Variants in HMGXB3 observed in about 807,000 individuals in gnomAD.
The protein encoded by HMGXB3 is HMG-box containing 3.
In HMGXB3, 45 loss-of-function variants were observed where a neutral mutation model predicts 121.5. The ratio of observed to expected loss-of-function variants is 0.37; its 90% CI spans 0.29 to 0.47. The LOEUF is 0.47. Among genes scored for constraint, HMGXB3 ranks in the 20% least tolerant of loss-of-function variants. The pLI, the probability that HMGXB3 is intolerant of heterozygous loss-of-function variation, is 0.99. For synonymous variants in HMGXB3, 590 were observed against 624.1 expected, an observed-to-expected ratio of 0.95 and a Z score of 0.81; for missense variants, 1,376 against 1,602.2, an observed-to-expected ratio of 0.86 and a Z score of 2.41.
intron 11 of HMGXB3, among the ~76,000 whole-genome samples, chr5:150,034,125 T>C (rs1424903018): frequency 2.6e-5 from 4 of 152,222 alleles, no homozygotes; most frequent in African/African-American, 9.6e-5. Flanking sequence ...TGAAATTGCA[T>C]GCAAAATGGG....
At chr5:150,051,659 C>A in intron 19 of HMGXB3, 66 bp from the exon 20 acceptor site, 1 of 1,271,604 alleles carries the variant, frequency 7.9e-7, no homozygotes, top group South Asian at 1.5e-5. Flanking sequence ...AGAGTGTTCT[C>A]GTCACCAGAT....
At chr5:150,002,179 G>T (rs1206335029) in intron 1 of HMGXB3, among the ~76,000 whole-genome samples, 1 of 152,078 alleles carries the variant, frequency 6.6e-6, no homozygotes, top group African/African-American at 2.4e-5. Flanking sequence ...CTTTACCTGG[G>T]GTATATCCTG....
chr5:150,025,283 A>G (rs748394383), intron 7 of HMGXB3, among the ~76,000 whole-genome samples: 2 of 152,170 alleles, frequency 1.3e-5, no homozygotes, highest in Non-Finnish European at 2.9e-5. Flanking sequence ...TAAATGCTTA[A>G]TTGGATTCTG....
Position 150,045,501 on chromosome 5 carries a change from A to C in HMGXB3, c.2766A>C (p.Val922=). 1.3e-6 allele frequency: 2 copies of C among 1,552,350 alleles called. No individual in the cohort carries two copies. Among genetic ancestry groups the C allele is most frequent in the East Asian group, 2.4e-5 (1 of 40,926 alleles). ...TWPEFLGSNE[V]NVEDFWATME... ...CTGAATTCCTGGGCTCTAATGAGGT[A>C]AATGTGGAGGACTTTTGGGCCACGA... is the stretch of plus-strand genomic sequence containing the variant. Residue 922 remains valine, a synonymous_variant, in exon 16 of 20, where the codon GTA becomes GTC. Coordinates refer to ENST00000502717, the MANE Select transcript of HMGXB3 (RefSeq NM_014983.3).
In HMGXB3 at chr5:150,036,931, G is replaced by T. The variant is rs61733365; in HGVS notation, c.2279G>T (p.Gly760Val). The T allele has an allele frequency of 1.9e-6, 3 of 1,549,904 alleles. No homozygotes were observed. Among genetic ancestry groups the T allele is most frequent in the South Asian group, 1.2e-5 (1 of 83,644 alleles). ...LLCSSPLFKG[G>V]QNSLAGPQEC... is the part of the protein sequence containing the mutation. ...TGTAGCAGCCCATTATTCAAAGGGG[G>T]ACAAAAGTAAGCACCCCTTAACTCT... The change falls in exon 12 of 20, where the codon GGA (glycine) becomes GTA (valine). Residue 760 changes from glycine (G) to valine (V), a missense_variant. Around this residue, in one of 2 missense-constraint regions of HMGXB3, gnomAD observed 1,116 missense variants for 1,369.0 expected, o/e 0.82. Coordinates refer to ENST00000502717, the MANE Select transcript of HMGXB3 (RefSeq NM_014983.3).
chr5:150,022,179 A>G (rs1281586462), intron 6 of HMGXB3, among the ~76,000 whole-genome samples: 2 of 152,180 alleles, frequency 1.3e-5, no homozygotes, highest in South Asian at 2.1e-4. Flanking sequence ...AGGGAAGCCA[A>G]AATTGGACAC....
At position 150,023,161 on chromosome 5, in the gene HMGXB3, A is replaced by C. The variant is rs1245430710; in HGVS notation, c.1042-1101A>C. Among the ~76,000 whole-genome samples the C allele has an allele frequency of 2.0e-5, 3 of 152,132 alleles. No individual in the cohort carries two copies. The East Asian group carries it at 5.8e-4, about 29-fold the overall frequency. On this transcript the variant is annotated intron_variant, in intron 6 of 19. Coordinates refer to ENST00000502717, the MANE Select transcript of HMGXB3 (RefSeq NM_014983.3). Reference sequence around the variant, plus strand: ...GTTCTGAACTAGAAGTGCAGTATGCAGATGGCTTTGGAAATGTTGAGGGGT... The same window carrying C: ...GTTCTGAACTAGAAGTGCAGTATGCCGATGGCTTTGGAAATGTTGAGGGGT...
chr5:150,016,517 T>G (rs959697433), intron 5 of HMGXB3, among the ~76,000 whole-genome samples: 1 of 152,222 alleles, frequency 6.6e-6, no homozygotes, highest in Admixed American at 6.5e-5. Context: ...CAAAATGACC[T>G]TTATCTCTAG....
chr5:150,029,619 C>A (rs1436935836), intron 9 of HMGXB3, among the ~76,000 whole-genome samples: 1 of 152,048 alleles, frequency 6.6e-6, no homozygotes, highest in African/African-American at 2.4e-5. Context: ...TTGCAAAATC[C>A]TGGTTTCAAC....
intron 19 of HMGXB3, among the ~76,000 whole-genome samples, 188 bp from the exon 20 acceptor site, chr5:150,051,537 C>G (rs1417720954): frequency 6.6e-6 from 1 of 152,212 alleles, no homozygotes; most frequent in African/African-American, 2.4e-5. Context: ...AAGGTGGCCA[C>G]TGTTACTGTC....
At chr5:150,022,198 A>G (rs1235882272) in intron 6 of HMGXB3, among the ~76,000 whole-genome samples, 3 of 152,136 alleles carry the variant, frequency 2.0e-5, no homozygotes, top group Non-Finnish European at 2.9e-5. Flanking sequence ...ACCCCGATCT[A>G]TTAATAAGAT....
At chr5:150,016,340 C>CAAAAAAA (rs34992392) in intron 5 of HMGXB3, among the ~76,000 whole-genome samples, 1 of 92,626 alleles carries the variant, frequency 1.1e-5, no homozygotes. Context: ...GACTCTGTCT[C>CAAAAAAA]AAAAAAAAAA....
intron 9 of HMGXB3, among the ~76,000 whole-genome samples, chr5:150,029,292 T>A (rs1430586406): frequency 6.6e-6 from 1 of 152,028 alleles, no homozygotes; most frequent in Non-Finnish European, 1.5e-5. Context: ...GGTTGGTTGG[T>A]TGGTTTTTTG....
At chr5:150,050,180 G>A (rs1756856473) in intron 18 of HMGXB3, 72 bp from the exon 19 acceptor site, 10 of 1,298,762 alleles carry the variant, frequency 7.7e-6, no homozygotes, top group African/African-American at 2.9e-5. Context: ...GGGAAGAAGC[G>A]AGTGAGAACT....
intron 3 of HMGXB3, among the ~76,000 whole-genome samples, chr5:150,008,008 G>A (rs907742856): frequency 1.3e-5 from 2 of 151,760 alleles, no homozygotes; most frequent in African/African-American, 4.8e-5. Context: ...AGTGAGCCGT[G>A]ATTGTGCCAC....
intron 2 of HMGXB3, 43 bp downstream of exon 2, chr5:150,005,032 A>C: frequency 1.3e-6 from 2 of 1,525,494 alleles, no homozygotes; most frequent in South Asian, 2.5e-5. Context: ...TTATAAACAG[A>C]AGTTGCTTGG....
rs1756251237 is a variant in HMGXB3 at position 150,027,117 on chromosome 5, G to A, written c.1734G>A (p.Lys578=). 6.4e-7 allele frequency: 1 copy of A among 1,550,564 alleles called. No individual in the cohort carries two copies. The highest frequency in any genetic ancestry group is 2.0e-5 in the Admixed American group (1 of 50,878). The change falls in exon 9 of 20, where the codon AAG becomes AAA. Residue 578 remains lysine (K), a splice_region_variant and synonymous_variant. Transcript: ENST00000502717. ...IQQPSGPGEV[K]LPSGPSNRTS... The stretch of plus-strand genomic sequence containing the variant: ...AGCCATCTGGCCCTGGTGAGGTGAA[G>A]GTAAGGCCCATTTTCCAGAGTGGGA...
At chr5:150,033,586 G>A (rs564777199) in intron 11 of HMGXB3, among the ~76,000 whole-genome samples, 3 of 152,214 alleles carry the variant, frequency 2.0e-5, no homozygotes, top group East Asian at 1.9e-4. Context: ...GGGGTGTTAC[G>A]GAAAATAAGA....
intron 3 of HMGXB3, among the ~76,000 whole-genome samples, chr5:150,007,755 A>G (rs765278488): frequency 3.9e-5 from 6 of 152,082 alleles, no homozygotes; most frequent in Non-Finnish European, 8.8e-5. Context: ...TCCTTATTAT[A>G]ATAAAATCAG....
Sources: gnomAD v4.1 joint callset for allele counts (sites outside exome capture counted in the v4.1 genomes callset) on GRCh38, gnomAD v4.1.1 for gene constraint, gnomAD v4.1.1 regional missense constraint, MANE v1.5 for transcripts, NCBI Gene and HGNC (gene_info 2026-07-23, HGNC 2026-07-21) for gene names.